Variants in ZSCAN5A observed in about 807,000 individuals in gnomAD.
ZSCAN5A encodes zinc finger and SCAN domain-containing protein 5A.
A neutral mutation model predicts 23.7 loss-of-function variants in ZSCAN5A; 12 were observed. That is an observed-to-expected ratio of 0.51 (90% CI 0.32 to 0.82). ZSCAN5A has a LOEUF of 0.82. Among genes scored for constraint, ZSCAN5A ranks in the 40% least tolerant of loss-of-function variants. The pLI is 0.03. For missense variants in ZSCAN5A, 597 were observed against 617.9 expected (o/e 0.97, Z 0.36); for synonymous variants, 257 against 239.9 (o/e 1.07, Z -0.66).
At chr19:56,316,507 A>ATT, upstream of ZSCAN5A, 2 of 151,286 alleles carry the variant, frequency 1.3e-5, no homozygotes, top group South Asian at 1.9e-4. Context: ...GGATTAGCAT[A>ATT]TTTTTTTTTT....
intron 2 of ZSCAN5A, among the ~76,000 whole-genome samples, chr19:56,308,388 A>G (rs908639132): frequency 3.3e-5 from 5 of 150,496 alleles, no homozygotes; most frequent in Non-Finnish European, 1.5e-5. Flanking sequence ...CAGTGGCCCA[A>G]TCTCAGCTCA....
At chr19:56,341,566 G>A (rs1430639346) in intron 2 of ZSCAN5A, among the ~76,000 whole-genome samples, 2 of 152,050 alleles carry the variant, frequency 1.3e-5, no homozygotes, top group Non-Finnish European at 2.9e-5. Flanking sequence ...TCAAGGCCCT[G>A]TAACTCAATG....
intron 2 of ZSCAN5A, chr19:56,346,999 T>A (rs1470150246): frequency 6.6e-6 from 1 of 152,350 alleles, no homozygotes; most frequent in African/African-American, 2.4e-5. Flanking sequence ...AGTGCTGGGA[T>A]TACAGGCGTG....
At chr19:56,326,795 T>C (rs1386787760) in intron 2 of ZSCAN5A, among the ~76,000 whole-genome samples, 1 of 152,152 alleles carries the variant, frequency 6.6e-6, no homozygotes, top group Non-Finnish European at 1.5e-5. Flanking sequence ...ATGCAACATA[T>C]TGATGCGCTG....
At chr19:56,355,579 C>T (rs940838261) in intron 2 of ZSCAN5A, among the ~76,000 whole-genome samples, 6 of 148,592 alleles carry the variant, frequency 4.0e-5, no homozygotes, top group Admixed American at 2.0e-4. Flanking sequence ...AGCCCAAGAC[C>T]AAGCTCTGTA....
intron 2 of ZSCAN5A, among the ~76,000 whole-genome samples, chr19:56,362,090 G>A (rs1297705439): frequency 8.0e-5 from 12 of 150,302 alleles, no homozygotes; most frequent in African/African-American, 2.9e-4. Flanking sequence ...CCTGGGAGGC[G>A]GAGCTTGCAG....
chr19:56,241,829 A>AT (rs1220041284), intron 2 of ZSCAN5A, among the ~76,000 whole-genome samples: 1 of 152,108 alleles, frequency 6.6e-6, no homozygotes, highest in African/African-American at 2.4e-5. Context: ...TTCTTTTTTA[A>AT]TTTTTTAAAT....
chr19:56,228,376 G>A (rs1338113425), intron 2 of ZSCAN5A: 4 of 985,152 alleles, frequency 4.1e-6, no homozygotes, highest in Middle Eastern at 5.2e-4. Flanking sequence ...TCCCTGCGCC[G>A]CCCCGTGATT....
chr19:56,349,412 C>G (rs903552136), intron 2 of ZSCAN5A, among the ~76,000 whole-genome samples: 1 of 152,096 alleles, frequency 6.6e-6, no homozygotes, highest in African/African-American at 2.4e-5. Context: ...AATAGAAGAT[C>G]TTGGCCGAGC....
intron 2 of ZSCAN5A, among the ~76,000 whole-genome samples, chr19:56,264,564 G>A (rs1456571215): frequency 1.3e-5 from 2 of 152,140 alleles, no homozygotes; most frequent in African/African-American, 2.4e-5. Context: ...TTGGGAGACT[G>A]GACTATGAAG....
At chr19:56,304,286 A>C (rs916156895) in intron 2 of ZSCAN5A, among the ~76,000 whole-genome samples, 3 of 152,134 alleles carry the variant, frequency 2.0e-5, no homozygotes, top group African/African-American at 7.2e-5. Context: ...AAATGGAGAG[A>C]CCAGGGAGAT....
chr19:56,229,778 T>C (rs2146470908), intron 2 of ZSCAN5A, among the ~76,000 whole-genome samples: 1 of 152,280 alleles, frequency 6.6e-6, no homozygotes, highest in South Asian at 2.1e-4. Flanking sequence ...TAGCACTTAA[T>C]AGTTTTTCTT....
At chr19:56,328,737 C>G (rs895086263) in intron 2 of ZSCAN5A, among the ~76,000 whole-genome samples, 1 of 151,624 alleles carries the variant, frequency 6.6e-6, no homozygotes, top group African/African-American at 2.4e-5. Context: ...CGCGGTGGCT[C>G]ATGCCTGTAA....
intron 2 of ZSCAN5A, chr19:56,348,252 T>C (rs1293963766): frequency 6.6e-6 from 1 of 152,208 alleles, no homozygotes; most frequent in Non-Finnish European, 1.5e-5. Context: ...TCTTCTCCTC[T>C]CTAATCCAGA....
At chr19:56,366,102 C>G (rs902024555) in intron 1 of ZSCAN5A, among the ~76,000 whole-genome samples, 6 of 152,094 alleles carry the variant, frequency 3.9e-5, no homozygotes, top group Non-Finnish European at 7.3e-5. Context: ...AATTCTGGTC[C>G]CCTCTTGCCA....
intron 2 of ZSCAN5A, among the ~76,000 whole-genome samples, chr19:56,305,632 G>A (rs1051241984): frequency 1.1e-4 from 17 of 152,126 alleles, no homozygotes; most frequent in African/African-American, 3.9e-4. Flanking sequence ...TGTTTATAAC[G>A]ACCCACTGAT....
chr19:56,255,716 G>A (rs896590015), intron 2 of ZSCAN5A, among the ~76,000 whole-genome samples: 1 of 152,088 alleles, frequency 6.6e-6, no homozygotes, highest in Admixed American at 6.5e-5. Flanking sequence ...GAAAAACATG[G>A]TGTCGTCTAT....
At chr19:56,331,468 T>C (rs758758028) in intron 2 of ZSCAN5A, among the ~76,000 whole-genome samples, 3 of 152,004 alleles carry the variant, frequency 2.0e-5, no homozygotes, top group Non-Finnish European at 4.4e-5. Flanking sequence ...CATCTATTAT[T>C]TTTTTCAGCA....
At position 56,337,709 on chromosome 19, in the gene ZSCAN5A, CCTA is replaced by C. The variant is rs2041553768; in HGVS notation, c.-357-21444_-357-21442del. Among the ~76,000 whole-genome samples the C allele has an allele frequency of 2.6e-5, 4 of 152,290 alleles. 1 individual carries two copies. The South Asian group carries it at 8.3e-4, about 32-fold the overall frequency. On this transcript the variant is annotated intron_variant, in intron 2 of 6. Transcript: ENST00000587340. The stretch of plus-strand genomic sequence containing the variant: ...CTGGGAGCTGTAGACTGGAGCTGTT[CCTA>C]TTCAGCCATCTTGGCTCCACCCGCC...
Sources: allele counts gnomAD v4.1 joint callset (sites outside exome capture counted in the v4.1 genomes callset), GRCh38; gene constraint gnomAD v4.1.1; transcripts MANE v1.5; gene names NCBI Gene and HGNC (gene_info 2026-07-23, HGNC 2026-07-21).